The following TCN1 variants were observed in gnomAD, a reference collection of about 807,000 sequenced individuals.
TCN1 encodes transcobalamin-1.
TCN1 carries 47 observed loss-of-function variants against 46.3 expected under a neutral mutation model. The ratio of observed to expected loss-of-function variants is 1.01; its 90% CI spans 0.80 to 1.29. The LOEUF is 1.29. Ranked by LOEUF, TCN1 falls within the 50% of genes most tolerant of loss-of-function variation. The pLI, the probability that TCN1 is intolerant of heterozygous loss-of-function variation, is 0.00. For synonymous variants in TCN1, 183 were observed against 192.5 expected (o/e 0.95, Z 0.41); for missense variants, 532 against 511.0 (o/e 1.04, Z -0.40).
chr11:59,864,810 A>G (rs1361956975), intron 1 of TCN1, among the ~76,000 whole-genome samples: 2 of 152,194 alleles, frequency 1.3e-5, no homozygotes, highest in African/African-American at 2.4e-5. Context: ...ACACTTTGTC[A>G]ATGTATTTTT....
In TCN1 at chr11:59,862,724, TGAAAA is replaced by T. The variant is rs754831011; in HGVS notation, c.260-7_260-3del. The T allele has an allele frequency of 2.5e-6, 4 of 1,613,254 alleles. No individual in the cohort carries two copies. The highest frequency in any genetic ancestry group is 1.1e-5 in the South Asian group (1 of 91,074). On this transcript the variant is annotated splice_region_variant and splice_polypyrimidine_tract_variant and intron_variant, in intron 2 of 8. Transcript: ENST00000257264. The stretch of plus-strand genomic sequence containing the variant: ...GCTCTCCCGAGCTTACATCTGACAC[TGAAAA>T]GAAAAGTATTCAAGCTTAATAAGGT...
chr11:59,860,596 G>A (rs946925202), intron 4 of TCN1, among the ~76,000 whole-genome samples: 9 of 152,042 alleles, frequency 5.9e-5, no homozygotes, highest in Non-Finnish European at 1.0e-4. Context: ...GTTGGCTGAG[G>A]GATTGAGAAA....
chr11:59,863,761 G>C, intron 2 of TCN1, 146 bp downstream of exon 2: 1 of 936,092 alleles, frequency 1.1e-6, no homozygotes. Flanking sequence ...TTGTATTTTG[G>C]GCATGTTTCT....
chr11:59,858,190 A>G (rs766508846), intron 5 of TCN1, among the ~76,000 whole-genome samples: 28 of 152,316 alleles, frequency 1.8e-4, no homozygotes, highest in Admixed American at 3.3e-4. Context: ...ATGCACTTCA[A>G]TGTTGGGACA....
intron 5 of TCN1, among the ~76,000 whole-genome samples, chr11:59,857,578 C>T (rs1269586725): frequency 1.3e-5 from 2 of 152,182 alleles, no homozygotes; most frequent in African/African-American, 4.8e-5. Context: ...TTTGTCCTCA[C>T]TGTCGTCTCT....
chr11:59,859,140 A>T lies in TCN1; in HGVS notation c.684T>A (p.Ile228=). The change falls in exon 5 of 9, where the codon ATT becomes ATA. Residue 228 remains isoleucine, a synonymous_variant. Coordinates refer to ENST00000257264, the MANE Select transcript of TCN1 (RefSeq NM_001062.4). ...SIYTKSLVEK[I]LSEKKENGLI... ...GACCATTTTCTTTTTTCTCAGACAG[A>T]ATCTTTTCTACCAGTGACTTTGTAT... 1 of 1,614,040 alleles carries T rather than the reference A, an allele frequency of 6.2e-7. No individual in the cohort carries two copies. The highest frequency in any genetic ancestry group is 1.1e-5 in the South Asian group (1 of 91,082).
intron 5 of TCN1, among the ~76,000 whole-genome samples, chr11:59,858,092 C>A (rs1276199380): frequency 1.3e-5 from 2 of 152,108 alleles, no homozygotes; most frequent in African/African-American, 4.8e-5. Context: ...CAGCAATAAT[C>A]AAATAGAACA....
intron 7 of TCN1, among the ~76,000 whole-genome samples, chr11:59,853,727 C>T (rs1027859903): frequency 6.6e-6 from 1 of 152,120 alleles, no homozygotes; most frequent in Non-Finnish European, 1.5e-5. Context: ...ACTGAGTTTT[C>T]CCTTAGAAAA....
intron 8 of TCN1, 69 bp downstream of exon 8, chr11:59,853,134 A>G: frequency 6.3e-7 from 1 of 1,598,588 alleles, no homozygotes; most frequent in South Asian, 1.1e-5. Flanking sequence ...CCCAATCCCC[A>G]CAGAGGCTCA....
Position 59,861,556 on chromosome 11 carries a change from T to C in TCN1, c.527A>G (p.Asn176Ser). 6.2e-7 allele frequency: 1 copy of C among 1,613,972 alleles called. No individual in the cohort carries two copies. Among genetic ancestry groups the C allele is most frequent in the Non-Finnish European group, 8.5e-7 (1 of 1,179,952 alleles). ...VVNHFTPENK[N>S]YYFGSQFSVD... The stretch of plus-strand genomic sequence containing the variant: ...TGAGAACTGGCTACCAAAATAATAG[T>C]TTTTATTTTCAGGAGTGAAGTGGTT... Residue 176 changes from asparagine (N) to serine (S), a missense_variant, in exon 4 of 9, where the codon AAC becomes AGC. Coordinates refer to ENST00000257264, the MANE Select transcript of TCN1 (RefSeq NM_001062.4).
At chr11:59,860,922 A>C (rs143602820) in intron 4 of TCN1, among the ~76,000 whole-genome samples, 42 of 152,336 alleles carry the variant, frequency 2.8e-4, no homozygotes, top group African/African-American at 9.4e-4. Flanking sequence ...AATTTGGAGA[A>C]AGATGAACTT....
Position 59,859,199 on chromosome 11 carries a change from C to T in TCN1, c.625G>A (p.Ala209Thr), listed in dbSNP as rs992462691. The change falls in exon 5 of 9, where the codon GCA (alanine) becomes ACA (threonine). Residue 209 changes from alanine (A) to threonine (T), a missense_variant. Coordinates refer to ENST00000257264, the MANE Select transcript of TCN1 (RefSeq NM_001062.4). ...KKSLINGQIK[A>T]DEGSLKNISI... The stretch of plus-strand genomic sequence containing the variant: ...ATGTTCTTTAAACTGCCTTCATCTG[C>T]TTTGATCTGCCCATTTATTAGACTC... The T allele has an allele frequency of 3.6e-5, 58 of 1,613,840 alleles. No homozygotes were observed. Among genetic ancestry groups the T allele is most frequent in the Non-Finnish European group, 4.7e-5 (55 of 1,180,024 alleles).
rs539586831 is a variant in TCN1 at position 59,853,136 on chromosome 11, A to G, written c.1240+67T>C. 2.9e-5 allele frequency: 46 copies of G among 1,603,066 alleles called. No individual in the cohort carries two copies. The South Asian group carries it at 4.3e-4, about 15-fold the overall frequency. On this transcript the variant is annotated intron_variant, in intron 8 of 8. Transcript: ENST00000257264. Reference sequence around the variant, plus strand: ...ACTAACCCCTTGGCCCAATCCCCACAGAGGCTCACACCCCTCTCCATTTGG... The same window carrying G: ...ACTAACCCCTTGGCCCAATCCCCACGGAGGCTCACACCCCTCTCCATTTGG...
At position 59,854,782 on chromosome 11, in the gene TCN1, G is replaced by A; in HGVS notation, c.991C>T (p.Gln331Ter). The A allele has an allele frequency of 1.2e-6, 2 of 1,614,062 alleles. No individual in the cohort carries two copies. The highest frequency in any genetic ancestry group is 2.2e-5 in the South Asian group (2 of 91,080). ...EPITVTPPDS[Q>*]SYISVNYSVR... ...GAGTAATTGACGGAGATATATGATTGTGAGTCAGGAGGTGTCACAGTTATA... is the reference window on the plus strand; with the variant it reads ...GAGTAATTGACGGAGATATATGATTATGAGTCAGGAGGTGTCACAGTTATA... The change falls in exon 7 of 9, where the codon CAA becomes TAA. Residue 331 changes from glutamine to a stop codon, truncating the protein, a stop_gained. Coordinates refer to ENST00000257264, the MANE Select transcript of TCN1 (RefSeq NM_001062.4). LOFTEE classifies it high-confidence loss of function.
chr11:59,859,164 A>G lies in TCN1; in HGVS notation c.660T>C (p.Tyr220=), dbSNP rs762326169. ...DEGSLKNISI[Y]TKSLVEKILS... is the part of the protein sequence containing the mutation. Reference sequence around the variant, plus strand: ...GAATCTTTTCTACCAGTGACTTTGTATAAATACTGATGTTCTTTAAACTGC... The same window carrying G: ...GAATCTTTTCTACCAGTGACTTTGTGTAAATACTGATGTTCTTTAAACTGC... Residue 220 remains tyrosine (Y), a synonymous_variant, in exon 5 of 9, where the codon TAT becomes TAC. Transcript: ENST00000257264. 14 of 1,613,898 alleles carry G rather than the reference A, an allele frequency of 8.7e-6. No individual in the cohort carries two copies. The highest frequency in any genetic ancestry group is 1.1e-5 in the Non-Finnish European group (13 of 1,180,028).
chr11:59,865,703 T>A (rs889714603), intron 1 of TCN1, among the ~76,000 whole-genome samples: 5 of 152,182 alleles, frequency 3.3e-5, no homozygotes, highest in Non-Finnish European at 7.4e-5. Flanking sequence ...TATTTATGAA[T>A]GAAGCTAAAG....
At position 59,854,738 on chromosome 11, in the gene TCN1, T is replaced by C. The variant is rs1852911693; in HGVS notation, c.1035A>G (p.Thr345=). The change falls in exon 7 of 9, where the codon ACA becomes ACG. Residue 345 remains threonine (T), a synonymous_variant. Coordinates refer to ENST00000257264, the MANE Select transcript of TCN1 (RefSeq NM_001062.4). The part of the protein sequence containing the change: ...SVNYSVRINE[T]YFTNVTVLNG... Reference sequence around the variant, plus strand: ...TTAGCACAGTGACATTGGTGAAATATGTTTCATTGATTCTCACAGAGTAAT... The same window carrying C: ...TTAGCACAGTGACATTGGTGAAATACGTTTCATTGATTCTCACAGAGTAAT... 1.2e-6 allele frequency: 2 copies of C among 1,614,060 alleles called. No individual in the cohort carries two copies. Among genetic ancestry groups the C allele is most frequent in the Non-Finnish European group, 1.7e-6 (2 of 1,179,940 alleles).
chr11:59,863,812 G>T lies in TCN1; in HGVS notation c.259+95C>A, dbSNP rs1175905633. 11 of 1,380,094 alleles carry T rather than the reference G, an allele frequency of 8.0e-6. No homozygotes were observed. In the South Asian group the frequency reaches 1.2e-4, roughly 15 times the overall value. The allele number at this position is 1,380,094 out of a possible 1,614,324, so 85.5% of individuals were successfully genotyped here. A position where few individuals can be genotyped will look rare whatever the true frequency, so the allele number is the denominator to read the frequency against. On this transcript the variant is annotated intron_variant, in intron 2 of 8. Transcript: ENST00000257264. ...GTACCATTAGAAGGGATGTAGCAGG[G>T]ATACTTTGGATGCATAATTTTTTAG... is the stretch of plus-strand genomic sequence containing the variant.
In TCN1 at chr11:59,862,634, G is replaced by A; in HGVS notation, c.348C>T (p.Tyr116=). The A allele has an allele frequency of 3.7e-6, 6 of 1,613,648 alleles. No homozygotes were observed. The highest frequency in any genetic ancestry group is 5.1e-6 in the Non-Finnish European group (6 of 1,179,798). Reference sequence around the variant, plus strand: ...TATTTTCTAGCTTGTCGATCAGGTGGTAATCATATATTAAGTTTTCCTCAG... The same window carrying A: ...TATTTTCTAGCTTGTCGATCAGGTGATAATCATATATTAAGTTTTCCTCAG... ...RNAEENLIYD[Y]HLIDKLENKF... is the part of the protein sequence containing the mutation. Residue 116 remains tyrosine (Y), a synonymous_variant, in exon 3 of 9, where the codon TAC becomes TAT. Coordinates refer to ENST00000257264, the MANE Select transcript of TCN1 (RefSeq NM_001062.4).
Sources: gnomAD v4.1 joint callset for allele counts (sites outside exome capture counted in the v4.1 genomes callset) on GRCh38, gnomAD v4.1.1 for gene constraint, MANE v1.5 for transcripts, NCBI Gene and HGNC (gene_info 2026-07-23, HGNC 2026-07-21) for gene names.